The following NDRG1 variants were observed in gnomAD, a reference collection of about 807,000 sequenced individuals.
The protein encoded by NDRG1 is N-myc downstream regulated 1, also known as protein NDRG1.
NDRG1 carries 32 observed loss-of-function variants against 56.9 expected under a neutral mutation model. The ratio of observed to expected loss-of-function variants is 0.56; its 90% CI spans 0.42 to 0.76. NDRG1 has a LOEUF of 0.76. Ranked by LOEUF, NDRG1 falls within the 30% of genes least tolerant of loss-of-function variation. The pLI is 0.00. For synonymous variants in NDRG1, 211 were observed against 204.1 expected, an observed-to-expected ratio of 1.03 and a Z score of -0.29; for missense variants, 507 against 545.7, an observed-to-expected ratio of 0.93 and a Z score of 0.71.
In NDRG1 at chr8:133,238,948, A is replaced by G. The variant is rs1251302984; in HGVS notation, c.1115T>C (p.Leu372Pro). ...AGCACCCGAGTTGGGGGTGATGTCC[A>G]GGTGGGCCCCCTCGCTGGTGTGCGA... ...SRSHTSEGAH[L>P]DITPNSGAAG... Residue 372 changes from leucine (L) to proline (P), a missense_variant, in exon 16 of 16, where the codon CTG (leucine) becomes CCG (proline). Leu to Pro is a moderately conservative substitution (Grantham distance 98, BLOSUM62 -3). Coordinates refer to ENST00000323851, the MANE Select transcript of NDRG1 (RefSeq NM_006096.4). 6.3e-7 allele frequency: 1 copy of G among 1,575,658 alleles called. No homozygotes were observed. The highest frequency in any genetic ancestry group is 8.6e-7 in the Non-Finnish European group (1 of 1,161,850).
At chr8:133,292,048 A>G (rs1858459132) in intron 1 of NDRG1, among the ~76,000 whole-genome samples, 1 of 152,170 alleles carries the variant, frequency 6.6e-6, no homozygotes, top group South Asian at 2.1e-4. Flanking sequence ...TTTTGGCAGC[A>G]CGAGTAATTT....
intron 11 of NDRG1, 122 bp downstream of exon 11, chr8:133,248,593 A>G: frequency 8.5e-7 from 1 of 1,176,440 alleles, no homozygotes; most frequent in Non-Finnish European, 1.3e-6. Context: ...TCTGGGTGGA[A>G]TATATCCAGG....
chr8:133,254,695 G>C, intron 8 of NDRG1, 100 bp from the exon 9 acceptor site: 1 of 1,185,584 alleles, frequency 8.4e-7, no homozygotes, highest in African/African-American at 1.5e-5. Flanking sequence ...GGCATTGCTG[G>C]ACTCCCCCCT....
rs1383179035 is a variant in NDRG1, at chr8:133,247,891, G to A, written c.791C>T (p.Pro264Leu). The A allele has an allele frequency of 1.2e-6, 2 of 1,614,004 alleles. No individual in the cohort carries two copies. Among genetic ancestry groups the A allele is most frequent in the Middle Eastern group, 1.7e-4 (1 of 6,026 alleles). Residue 264 changes from proline to leucine, a missense_variant, in exon 12 of 16, where the codon CCT becomes CTT. Coordinates refer to ENST00000323851, the MANE Select transcript of NDRG1 (RefSeq NM_006096.4). ...PALLVVGDSSPAVDAVVECNS... is the reference protein window; with the variant it reads ...PALLVVGDSSLAVDAVVECNS... ...TCTACATACCACGGCATCCACTGCA[G>A]GCGAGCTGTCCCCAACCACCAACAG...
intron 3 of NDRG1, among the ~76,000 whole-genome samples, chr8:133,276,708 T>C (rs983834827): frequency 6.6e-6 from 1 of 152,266 alleles, no homozygotes; most frequent in African/African-American, 2.4e-5. Context: ...GCCATGAATG[T>C]GAGGCCTCCC....
Position 133,242,200 on chromosome 8 carries a change from T to C in NDRG1, c.892-126A>G, listed in dbSNP as rs2233343. 4.3e-3 allele frequency: 3,991 copies of C among 932,024 alleles called. 117 individuals are homozygous for C. The African/African-American group carries it at 0.057, about 13-fold the overall frequency. 57.7% of individuals were successfully genotyped at this position (932,024 alleles called of 1,614,324 possible). On this transcript the variant is annotated intron_variant, in intron 14 of 15. Transcript: ENST00000323851. ...GGCTCAAGACAAAAGCCATCACGTGTTGACAGGACAAAACACAAAAGTAAG... is the reference window on the plus strand; with the variant it reads ...GGCTCAAGACAAAAGCCATCACGTGCTGACAGGACAAAACACAAAAGTAAG...
rs73711834 is a variant in NDRG1 at position 133,238,614 on chromosome 8, G to C, written c.*264C>G. The C allele has an allele frequency of 7.9e-3, 4,390 of 554,058 alleles. 130 individuals are homozygous for C. The highest frequency in any genetic ancestry group is 0.071 in the African/African-American group (3,755 of 53,088). The allele number at this position is 554,058 out of a possible 1,614,324, so 34.3% of individuals were successfully genotyped here. On this transcript the variant is annotated 3_prime_UTR_variant, in exon 16 of 16. Transcript: ENST00000323851. The stretch of plus-strand genomic sequence containing the variant: ...TTGGTGTCTCTGAGGGAGGGGAGGA[G>C]AGTGGCAACCGGCCACTGGTTAATG...
chr8:133,280,135 A>G, intron 3 of NDRG1, 97 bp downstream of exon 3: 1 of 1,464,520 alleles, frequency 6.8e-7, no homozygotes, highest in African/African-American at 1.4e-5. Context: ...CCTTGCCCGC[A>G]ATGTTTGCAC....
intron 3 of NDRG1, among the ~76,000 whole-genome samples, chr8:133,278,887 C>CTTTTTT (rs34187643): frequency 8.0e-6 from 1 of 125,612 alleles, no homozygotes. Context: ...CTCTCTTCTT[C>CTTTTTT]TTTTTTTTTT....
At chr8:133,245,768 G>A (rs1016426693) in intron 13 of NDRG1, among the ~76,000 whole-genome samples, 4 of 152,142 alleles carry the variant, frequency 2.6e-5, no homozygotes, top group South Asian at 2.1e-4. Context: ...CTCAAAGTAC[G>A]GCATTATGCA....
intron 1 of NDRG1, among the ~76,000 whole-genome samples, chr8:133,285,471 C>T (rs1366634060): frequency 6.6e-6 from 1 of 152,186 alleles, no homozygotes; most frequent in Non-Finnish European, 1.5e-5. Flanking sequence ...CCCGCACTGC[C>T]CAAGGCCCCT....
chr8:133,248,836 C>T, intron 10 of NDRG1, 65 bp from the exon 11 acceptor site: 1 of 1,584,700 alleles, frequency 6.3e-7, no homozygotes, highest in Non-Finnish European at 8.7e-7. Flanking sequence ...CCACTCCCAT[C>T]CAGCCAAGCC....
rs2233329 is a variant in NDRG1, at chr8:133,259,086, C to A, written c.389+82G>T. On this transcript the variant is annotated intron_variant, in intron 6 of 15. Coordinates refer to ENST00000323851, the MANE Select transcript of NDRG1 (RefSeq NM_006096.4). Reference sequence around the variant, plus strand: ...TGCAACCTTAATTTTAGTGGTCAGTCCAGATCAAAGCCAAGGGGCAGGAAG... The same window carrying A: ...TGCAACCTTAATTTTAGTGGTCAGTACAGATCAAAGCCAAGGGGCAGGAAG... 0.037 allele frequency: 53,949 copies of A among 1,451,874 alleles called. 1,201 individuals carry two copies. The highest frequency in any genetic ancestry group is 0.077 in the Middle Eastern group (442 of 5,718). 89.9% of individuals were successfully genotyped at this position (1,451,874 alleles called of 1,614,324 possible).
At chr8:133,267,433 C>T (rs1224636507) in intron 3 of NDRG1, among the ~76,000 whole-genome samples, 2 of 152,172 alleles carry the variant, frequency 1.3e-5, no homozygotes, top group Admixed American at 1.3e-4. Context: ...TAGCCCCCAA[C>T]ACCGTTAAGT....
intron 3 of NDRG1, among the ~76,000 whole-genome samples, chr8:133,271,778 T>TTA (rs1857199354): frequency 6.6e-5 from 2 of 30,468 alleles, no homozygotes; most frequent in Non-Finnish European, 1.1e-4. Context: ...AGACCCTGTC[T>TTA]AAAAAAAAAA....
Position 133,237,494 on chromosome 8 carries a change from G to A in NDRG1, c.*1384C>T. ...CTTCCTATGAGAAAATCCACGGTGA[G>A]CCAAAATGAAAAGTACAAGGCAGTA... On this transcript the variant is annotated 3_prime_UTR_variant, in exon 16 of 16. Transcript: ENST00000323851. The A allele has an allele frequency of 4.3e-6, 1 of 232,986 alleles. No homozygotes were observed. The highest frequency in any genetic ancestry group is 8.5e-6 in the Non-Finnish European group (1 of 117,884). The allele number at this position is 232,986 out of a possible 1,614,324, so 14.4% of individuals were successfully genotyped here. A position where few individuals can be genotyped will look rare whatever the true frequency, so the allele number is the denominator to read the frequency against.
At chr8:133,282,679 A>T (rs1295217910) in intron 2 of NDRG1, among the ~76,000 whole-genome samples, 5 of 152,236 alleles carry the variant, frequency 3.3e-5, no homozygotes, top group African/African-American at 1.2e-4. Context: ...ACCACATTTT[A>T]AATTTTTGTT....
chr8:133,284,552 G>C (rs1308361764), intron 1 of NDRG1, among the ~76,000 whole-genome samples: 1 of 152,178 alleles, frequency 6.6e-6, no homozygotes, highest in Non-Finnish European at 1.5e-5. Flanking sequence ...TCCTGGGAGA[G>C]GATACTGAGG....
chr8:133,249,316 C>T (rs939008159), intron 10 of NDRG1: 3 of 169,494 alleles, frequency 1.8e-5, no homozygotes, highest in Admixed American at 5.5e-5. Flanking sequence ...CTTTCCTGCA[C>T]GCAGCCACCC....
Sources: allele counts gnomAD v4.1 joint callset (sites outside exome capture counted in the v4.1 genomes callset), GRCh38; gene constraint gnomAD v4.1.1; transcripts MANE v1.5; gene names NCBI Gene and HGNC (gene_info 2026-07-23, HGNC 2026-07-21).